The following ERAL1 variants were observed in gnomAD, a reference collection of about 807,000 sequenced individuals.
The protein encoded by ERAL1 is Era like 12S mitochondrial rRNA chaperone 1.
ERAL1 carries 36 observed loss-of-function variants against 53.6 expected under a neutral mutation model. The ratio of observed to expected loss-of-function variants is 0.67; its 90% CI spans 0.51 to 0.89. ERAL1 has a LOEUF of 0.89. Among genes scored for constraint, ERAL1 ranks in the 40% least tolerant of loss-of-function variants. The pLI is 0.00. For missense variants in ERAL1, 512 were observed against 537.5 expected (o/e 0.95, Z 0.47); for synonymous variants, 215 against 211.8 (o/e 1.02, Z -0.13).
intron 3 of ERAL1, among the ~76,000 whole-genome samples, chr17:28,857,055 C>A (rs2039254112): frequency 6.6e-6 from 1 of 151,386 alleles, no homozygotes; most frequent in Non-Finnish European, 1.5e-5. Context: ...ACAGTTCTGT[C>A]TCTACCTTGC....
chr17:28,860,298 G>A, intron 9 of ERAL1, 133 bp from the exon 10 acceptor site: 1 of 986,190 alleles, frequency 1.0e-6, no homozygotes, highest in South Asian at 1.6e-5. Flanking sequence ...TTTTTAAAGA[G>A]GGGTCGCACT....
In ERAL1 at chr17:28,858,576, G is replaced by A. The variant is rs746762561; in HGVS notation, c.712G>A (p.Val238Ile). Residue 238 changes from valine (V) to isoleucine (I), a missense_variant and splice_region_variant, in exon 7 of 10, where the codon GTA becomes ATA. Transcript: ENST00000254928. Reference protein sequence around the residue: ...QIPSVLVMNKVDCLKQKSVLL... With the variant: ...QIPSVLVMNKIDCLKQKSVLL... ...CCCTTTGCCCATCCCCCATGTCCAG[G>A]TAGATTGTTTGAAGCAGAAGTCAGT... 4 of 1,614,152 alleles carry A rather than the reference G, an allele frequency of 2.5e-6. No homozygotes were observed. The highest frequency in any genetic ancestry group is 3.3e-5 in the Admixed American group (2 of 60,014).
At chr17:28,857,499 C>G (rs2039258419) in intron 3 of ERAL1, among the ~76,000 whole-genome samples, 1 of 151,836 alleles carries the variant, frequency 6.6e-6, no homozygotes, top group Admixed American at 6.6e-5. Context: ...TGGTAGAAAC[C>G]TAAGGTCAGC....
chr17:28,856,953 C>T (rs888298962), intron 3 of ERAL1, among the ~76,000 whole-genome samples: 70 of 151,676 alleles, frequency 4.6e-4, no homozygotes, highest in Non-Finnish European at 8.0e-4. Context: ...CCGCGTGATC[C>T]GCCTGCCTCA....
chr17:28,858,714 A>G lies in ERAL1; in HGVS notation c.850A>G (p.Lys284Glu), dbSNP rs1344186404. 1 of 1,614,188 alleles carries G rather than the reference A, an allele frequency of 6.2e-7. No homozygotes were observed. Among genetic ancestry groups the G allele is most frequent in the East Asian group, 2.2e-5 (1 of 44,890 alleles). The change falls in exon 7 of 10, where the codon AAG becomes GAG. Residue 284 changes from lysine (K) to glutamate (E), a missense_variant. Physicochemically the swap from Lys to Glu is moderately conservative, Grantham distance 56 (BLOSUM62 1). Coordinates refer to ENST00000254928, the MANE Select transcript of ERAL1 (RefSeq NM_005702.4). ...PGTHCPSPAV[K>E]DPNTQSVGNP... ...CACCCATTGCCCCAGCCCAGCAGTT[A>G]AGGACCCAAACACACAATCTGTGGG...
At chr17:28,856,815 C>T (rs989497780) in intron 3 of ERAL1, 1 of 444,052 alleles carries the variant, frequency 2.3e-6, no homozygotes, top group Non-Finnish European at 4.2e-6. Context: ...AGGTTGACGC[C>T]ATTCTCCTGC....
At position 28,858,837 on chromosome 17, in the gene ERAL1, T is replaced by A. The variant is rs773761350; in HGVS notation, c.960+13T>A. 2 of 1,614,024 alleles carry A rather than the reference T, an allele frequency of 1.2e-6. No individual in the cohort carries two copies. The highest frequency in any genetic ancestry group is 4.5e-5 in the East Asian group (2 of 44,896). On this transcript the variant is annotated intron_variant, in intron 7 of 9. Transcript: ENST00000254928. Reference sequence around the variant, plus strand: ...GAAAACACTAAAGGTCAGTTAGTCTTGGCCATAGCCTGGCCCTTGGTTTCT... The same window carrying A: ...GAAAACACTAAAGGTCAGTTAGTCTAGGCCATAGCCTGGCCCTTGGTTTCT...
At position 28,855,044 on chromosome 17, in the gene ERAL1, C is replaced by T. The variant is rs769565883; in HGVS notation, c.10C>T (p.Pro4Ser). 28 of 1,591,712 alleles carry T rather than the reference C, an allele frequency of 1.8e-5. No individual in the cohort carries two copies. Among genetic ancestry groups the T allele is most frequent in the African/African-American group, 5.4e-5 (4 of 74,254 alleles). Residue 4 changes from proline to serine, a missense_variant, in exon 1 of 10, where the codon CCC becomes TCC. Pro to Ser is a moderately conservative substitution (Grantham distance 74). Transcript: ENST00000254928. MAAPSWRGARLVQS... is the reference protein window; with the variant it reads MAASSWRGARLVQS... ...GTGCCTTGCGGCTGTAATGGCTGCC[C>T]CCAGCTGGCGCGGGGCTAGGCTTGT...
At chr17:28,856,240 A>T (rs373292407) in intron 1 of ERAL1, 24 bp from the exon 2 acceptor site, 1 of 1,610,872 alleles carries the variant, frequency 6.2e-7, no homozygotes, top group African/African-American at 1.3e-5. Context: ...ACTGTGTCTC[A>T]TGCTTCTTCC....
chr17:28,856,946 C>T (rs1294974563), intron 3 of ERAL1, among the ~76,000 whole-genome samples: 3 of 151,582 alleles, frequency 2.0e-5, no homozygotes, highest in African/African-American at 4.8e-5. Flanking sequence ...CTCCTGACCG[C>T]GTGATCCGCC....
rs998906000 is a variant in ERAL1 at position 28,856,276 on chromosome 17, T to A, written c.296T>A (p.Val99Asp). The change falls in exon 2 of 10, where the codon GTC becomes GAC. Residue 99 changes from valine to aspartate, a missense_variant. Coordinates refer to ENST00000254928, the MANE Select transcript of ERAL1 (RefSeq NM_005702.4). ...AVSMNRDEQD[V>D]LLVHHPDMPE... ...CACTTGCACATAGATGAGCAGGATGTCCTCTTGGTCCATCACCCTGATATG... is the reference window on the plus strand; with the variant it reads ...CACTTGCACATAGATGAGCAGGATGACCTCTTGGTCCATCACCCTGATATG... 6.2e-7 allele frequency: 1 copy of A among 1,614,062 alleles called. No individual in the cohort carries two copies. Among genetic ancestry groups the A allele is most frequent in the East Asian group, 2.2e-5 (1 of 44,886 alleles).
At chr17:28,860,351 C>T in intron 9 of ERAL1, 80 bp from the exon 10 acceptor site, 1 of 1,543,286 alleles carries the variant, frequency 6.5e-7, no homozygotes, top group South Asian at 1.2e-5. Flanking sequence ...AAAGGATCTT[C>T]TCACCTTAGC....
chr17:28,858,475 G>T lies in ERAL1; in HGVS notation c.700G>T (p.Val234Phe), dbSNP rs771049002. The T allele has an allele frequency of 6.2e-7, 1 of 1,614,064 alleles. No individual in the cohort carries two copies. The highest frequency in any genetic ancestry group is 1.1e-5 in the South Asian group (1 of 91,078). ...GTACTCCCAGATCCCTAGTGTCCTG[G>T]TCATGAACAAGGTGAGCACTACCCA... ...TKYSQIPSVL[V>F]MNKVDCLKQK... The change falls in exon 6 of 10, where the codon GTC (valine) becomes TTC (phenylalanine). Residue 234 changes from valine to phenylalanine, a missense_variant. Val to Phe is a conservative substitution (Grantham distance 50). Transcript: ENST00000254928.
chr17:28,857,854 C>T, intron 3 of ERAL1, 85 bp from the exon 4 acceptor site: 6 of 1,436,988 alleles, frequency 4.2e-6, no homozygotes, highest in Non-Finnish European at 5.9e-6. Context: ...AGGGCAGGCT[C>T]CTGACATCAC....
At chr17:28,859,789 C>T (rs1473235963) in intron 9 of ERAL1, among the ~76,000 whole-genome samples, 1 of 152,000 alleles carries the variant, frequency 6.6e-6, no homozygotes, top group Non-Finnish European at 1.5e-5. Flanking sequence ...GTCCGCCCAC[C>T]TCAGCCTCCC....
Position 28,858,604 on chromosome 17 carries a change from T to C in ERAL1, c.740T>C (p.Leu247Pro), listed in dbSNP as rs775706245. The change falls in exon 7 of 10, where the codon CTC becomes CCC. Residue 247 changes from leucine (L) to proline (P), a missense_variant. By Grantham distance (98) the Leu-to-Pro change is moderately conservative (BLOSUM62 -3). Transcript: ENST00000254928. ...GATTGTTTGAAGCAGAAGTCAGTTC[T>C]CCTGGAGCTCACGGCAGCCCTCACT... ...KVDCLKQKSV[L>P]LELTAALTEG... The C allele has an allele frequency of 5.6e-6, 9 of 1,614,034 alleles. No homozygotes were observed. Among genetic ancestry groups the C allele is most frequent in the Non-Finnish European group, 7.6e-6 (9 of 1,180,032 alleles).
chr17:28,860,421 A>G lies in ERAL1; in HGVS notation c.1192-10A>G. ...CATTCCTGGCTTCCTTCTCTTTCAC[A>G]TACCCTCAGAAACTCCTGATTGGTC... On this transcript the variant is annotated splice_polypyrimidine_tract_variant and intron_variant, in intron 9 of 9. Transcript: ENST00000254928. 1 of 1,611,100 alleles carries G rather than the reference A, an allele frequency of 6.2e-7. No individual in the cohort carries two copies.
intron 3 of ERAL1, among the ~76,000 whole-genome samples, chr17:28,857,426 T>C (rs1458775114): frequency 6.6e-6 from 1 of 151,976 alleles, no homozygotes; most frequent in East Asian, 1.9e-4. Context: ...CTCTGTTTAC[T>C]GCTTCCTAAT....
intron 3 of ERAL1, 195 bp downstream of exon 3, chr17:28,856,777 T>G (rs976489570): frequency 1.9e-6 from 1 of 526,166 alleles, no homozygotes; most frequent in Non-Finnish European, 3.4e-6. Context: ...AGTGACGCGA[T>G]CTTGGCTCAC....
Sources: allele counts gnomAD v4.1 joint callset (sites outside exome capture counted in the v4.1 genomes callset), GRCh38; gene constraint gnomAD v4.1.1; transcripts MANE v1.5; gene names NCBI Gene and HGNC (gene_info 2026-07-23, HGNC 2026-07-21).